The following LRP1B variants were observed in gnomAD, a reference collection of about 807,000 sequenced individuals.
LRP1B encodes the protein LDL receptor related protein 1B.
LRP1B carries 217 observed loss-of-function variants against 556.6 expected under a neutral mutation model. The ratio of observed to expected loss-of-function variants is 0.39; its 90% CI spans 0.35 to 0.44. The LOEUF (loss-of-function observed/expected upper bound fraction) is 0.44. LRP1B is among the 20% of genes least tolerant of loss of function. LRP1B has a pLI of 1.00. For missense variants in LRP1B, 5,053 were observed against 5,620.8 expected (o/e 0.90, Z 3.23); for synonymous variants, 2,047 against 1,865.8 (o/e 1.10, Z -2.50).
At chr2:141,866,854 G>A (rs1180151924) in intron 1 of LRP1B, among the ~76,000 whole-genome samples, 1 of 151,394 alleles carries the variant, frequency 6.6e-6, no homozygotes, top group African/African-American at 2.4e-5. Context: ...GAAATAGAAG[G>A]AGAGAAAAAA....
intron 2 of LRP1B, among the ~76,000 whole-genome samples, chr2:141,708,626 T>C (rs1390883309): frequency 6.6e-6 from 1 of 152,166 alleles, no homozygotes; most frequent in Non-Finnish European, 1.5e-5. Flanking sequence ...CTCTTCATTA[T>C]AGTCTTAATG....
chr2:142,016,881 T>G (rs1703158183), intron 1 of LRP1B, among the ~76,000 whole-genome samples: 1 of 142,502 alleles, frequency 7.0e-6, no homozygotes. Context: ...TGTATATATG[T>G]GTTTATATGT....
At chr2:140,399,172 C>A (rs1404483506) in intron 66 of LRP1B, among the ~76,000 whole-genome samples, 1 of 148,826 alleles carries the variant, frequency 6.7e-6, no homozygotes, top group South Asian at 2.1e-4. Flanking sequence ...GATACACACA[C>A]ACACACACAC....
At chr2:140,507,503 G>A (rs1184111819) in intron 52 of LRP1B, among the ~76,000 whole-genome samples, 6 of 152,236 alleles carry the variant, frequency 3.9e-5, no homozygotes, top group Non-Finnish European at 8.8e-5. Flanking sequence ...CCCTCCGTAA[G>A]TACCACACAA....
intron 59 of LRP1B, among the ~76,000 whole-genome samples, chr2:140,476,304 G>T (rs184963881): frequency 6.8e-6 from 1 of 146,090 alleles, no homozygotes; most frequent in African/African-American, 2.5e-5. Context: ...GTTAACACAA[G>T]TAGATTTTTC....
chr2:140,232,937 T>C lies in LRP1B; in HGVS notation c.*249A>G, dbSNP rs1680530819. ...TTTTTAATTTTAACAAATTCAAAGG[T>C]GTGTCATATCAGCAGCATTGTTGTA... On this transcript the variant is annotated 3_prime_UTR_variant, in exon 91 of 91. Transcript: ENST00000389484. 3.3e-6 allele frequency: 1 copy of C among 300,662 alleles called. No individual in the cohort carries two copies. The highest frequency in any genetic ancestry group is 5.0e-5 in the Admixed American group (1 of 20,028). 18.6% of individuals were successfully genotyped at this position (300,662 alleles called of 1,614,324 possible). A position where few individuals can be genotyped will look rare whatever the true frequency, so the allele number is the denominator to read the frequency against.
chr2:140,833,056 T>C (rs1203463502), intron 31 of LRP1B, among the ~76,000 whole-genome samples: 1 of 152,168 alleles, frequency 6.6e-6, no homozygotes, highest in Non-Finnish European at 1.5e-5. Flanking sequence ...AGTGAGGGTA[T>C]GTGTGTGCAT....
At chr2:140,260,335 C>A (rs1276973674) in intron 86 of LRP1B, among the ~76,000 whole-genome samples, 2 of 151,704 alleles carry the variant, frequency 1.3e-5, no homozygotes, top group Non-Finnish European at 3.0e-5. Context: ...GTTGTATTTT[C>A]TTCTGTTTTT....
At chr2:140,566,673 T>C (rs1681138124) in intron 43 of LRP1B, among the ~76,000 whole-genome samples, 1 of 152,176 alleles carries the variant, frequency 6.6e-6, no homozygotes, top group Admixed American at 6.5e-5. Context: ...CTTTGCCCAC[T>C]ACGCTAAAGC....
chr2:142,082,571 G>A (rs576381146), intron 1 of LRP1B, among the ~76,000 whole-genome samples: 3 of 152,274 alleles, frequency 2.0e-5, no homozygotes, highest in South Asian at 2.1e-4. Flanking sequence ...CCCAGGTGGC[G>A]CAGCCGGAAC....
intron 2 of LRP1B, among the ~76,000 whole-genome samples, chr2:141,633,547 C>G (rs1007683568): frequency 6.6e-6 from 1 of 151,942 alleles, no homozygotes; most frequent in Non-Finnish European, 1.5e-5. Flanking sequence ...CTGAATCTAC[C>G]AATACGACTT....
chr2:141,819,975 A>G (rs28578952), intron 1 of LRP1B, among the ~76,000 whole-genome samples: 5,108 of 152,282 alleles, frequency 0.034, 273 homozygotes, highest in African/African-American at 0.12. Context: ...AGAAAAACCA[A>G]AGCAATACTA....
intron 2 of LRP1B, among the ~76,000 whole-genome samples, chr2:141,486,956 G>A (rs1045682659): frequency 1.3e-5 from 2 of 152,074 alleles, no homozygotes; most frequent in African/African-American, 4.8e-5. Context: ...AGAGACATGC[G>A]AAGTCCTCCA....
At chr2:141,874,952 T>A (rs1698707903) in intron 1 of LRP1B, among the ~76,000 whole-genome samples, 1 of 151,706 alleles carries the variant, frequency 6.6e-6, no homozygotes, top group African/African-American at 2.4e-5. Flanking sequence ...TGTGTAGATT[T>A]TATAAGAGAT....
intron 27 of LRP1B, among the ~76,000 whole-genome samples, chr2:140,855,971 T>G (rs998709776): frequency 3.9e-5 from 6 of 152,206 alleles, no homozygotes; most frequent in African/African-American, 1.4e-4. Context: ...TAATACGTGT[T>G]TCCTTTCTTT....
At chr2:142,024,662 GAATTT>G (rs907554915) in intron 1 of LRP1B, among the ~76,000 whole-genome samples, 29 of 123,766 alleles carry the variant, frequency 2.3e-4, no homozygotes, top group African/African-American at 8.8e-4. Context: ...TCATGCTACA[GAATTT>G]TATTTAAAAA....
chr2:142,067,041 C>T (rs1238990696), intron 1 of LRP1B, among the ~76,000 whole-genome samples: 3 of 151,452 alleles, frequency 2.0e-5, no homozygotes, highest in African/African-American at 7.3e-5. Flanking sequence ...TAGATCTCTC[C>T]TGTCTTCAAA....
intron 32 of LRP1B, among the ~76,000 whole-genome samples, chr2:140,795,918 T>C (rs16844745): frequency 0.012 from 1,784 of 152,196 alleles, 33 homozygotes; most frequent in African/African-American, 0.041. Flanking sequence ...TAAAATGCTG[T>C]TGTGATTATA....
intron 37 of LRP1B, among the ~76,000 whole-genome samples, chr2:140,709,988 T>C (rs1686975855): frequency 6.6e-6 from 1 of 152,090 alleles, no homozygotes; most frequent in Admixed American, 6.6e-5. Flanking sequence ...TAAATGAGTG[T>C]ATCTACTCTT....
Sources: gnomAD v4.1 joint callset for allele counts (sites outside exome capture counted in the v4.1 genomes callset) on GRCh38, gnomAD v4.1.1 for gene constraint, MANE v1.5 for transcripts, NCBI Gene and HGNC (gene_info 2026-07-23, HGNC 2026-07-21) for gene names.